PIEZO2: variants seen among roughly 807,000 people sequenced by gnomAD.
PIEZO2 encodes the protein piezo-type mechanosensitive ion channel component 2.
Under a neutral mutation model 337.3 loss-of-function variants are expected in PIEZO2, and 172 were observed. The ratio of observed to expected loss-of-function variants is 0.51; its 90% confidence interval spans 0.45 to 0.58. The LOEUF is 0.58. Ranked by LOEUF, PIEZO2 falls within the 20% of genes least tolerant of loss-of-function variation. PIEZO2 has a pLI of 0.00. For missense variants in PIEZO2, 3,028 were observed against 3,391.3 expected, an observed-to-expected ratio of 0.89 and a Z score of 2.66; for synonymous variants, 1,251 against 1,228.5, an observed-to-expected ratio of 1.02 and a Z score of -0.38.
rs1488747511 is a variant in PIEZO2 at position 10,815,475 on chromosome 18, T to C, written c.918-8201A>G. Among the ~76,000 whole-genome samples the C allele has an allele frequency of 1.3e-5, 2 of 152,242 alleles. No homozygotes were observed. The highest frequency in any genetic ancestry group is 3.8e-4 in the East Asian group (2 of 5,202). ...ACCAGAAATGATAGGCATACGACTT[T>C]TGAACTGCTTTTCATGACACTTCAA... On this transcript the variant is annotated intron_variant, in intron 7 of 55. Transcript: ENST00000674853. The surrounding 1 kb of genome is among the most constrained non-coding windows in gnomAD (Gnocchi z 4.1).
chr18:11,074,475 C>A (rs2038460245), intron 1 of PIEZO2, among the ~76,000 whole-genome samples: 2 of 152,166 alleles, frequency 1.3e-5, no homozygotes, highest in South Asian at 4.1e-4. Flanking sequence ...CAGTAATTCC[C>A]CAAACAAAAG....
Position 10,783,078 on chromosome 18 carries a change from G to A in PIEZO2, c.2492+1706C>T, listed in dbSNP as rs1184973967. Among the ~76,000 whole-genome samples, 1 of 152,030 alleles carries A rather than the reference G, an allele frequency of 6.6e-6. No homozygotes were observed. The highest frequency in any genetic ancestry group is 1.9e-4 in the East Asian group (1 of 5,192). On this transcript the variant is annotated intron_variant, in intron 17 of 55. Transcript: ENST00000674853. This position sits in a 1 kb window ranked among gnomAD's most constrained non-coding sequence, Gnocchi z 4.3. ...GGCAAGAAAAAGGTTCCTGCATGCT[G>A]GAGGCACTTTTAGTGAGAAAAAAAA... is the stretch of plus-strand genomic sequence containing the variant.
chr18:10,691,782 C>CATATATATATATATATATATATATAT (rs33977962), intron 47 of PIEZO2, among the ~76,000 whole-genome samples: 149 of 96,264 alleles, frequency 1.5e-3, no homozygotes, highest in South Asian at 4.1e-3. Flanking sequence ...CACACACACA[C>CATATATATATATATATATATATATAT]ATATATATAT....
At chr18:10,987,498 G>A (rs1392417180) in intron 2 of PIEZO2, among the ~76,000 whole-genome samples, 1 of 152,036 alleles carries the variant, frequency 6.6e-6, no homozygotes, top group Non-Finnish European at 1.5e-5. Context: ...GGGAAAATTG[G>A]ATTACCATGT....
rs2038990350 is a variant in PIEZO2 at position 10,781,730 on chromosome 18, G to A, written c.2493-1364C>T. ...ATTCTGCTTCATACACAAGTGACAT[G>A]TGCCTACATTACATCTGTGTGCATA... On this transcript the variant is annotated intron_variant, in intron 17 of 55. Transcript: ENST00000674853. This position sits in a 1 kb window ranked among gnomAD's most constrained non-coding sequence, Gnocchi z 4.1. 6.6e-6 allele frequency among the ~76,000 whole-genome samples: 1 copy of A among 152,044 alleles called. No homozygotes were observed. The highest frequency in any genetic ancestry group is 1.9e-4 in the East Asian group (1 of 5,186).
At chr18:11,005,622 C>T (rs1311369604) in intron 2 of PIEZO2, among the ~76,000 whole-genome samples, 2 of 152,180 alleles carry the variant, frequency 1.3e-5, no homozygotes, top group Admixed American at 1.3e-4. Flanking sequence ...TCCTCAAGCT[C>T]CTTCACTCAT....
At chr18:10,921,624 G>A (rs561671299) in intron 3 of PIEZO2, among the ~76,000 whole-genome samples, 1 of 152,194 alleles carries the variant, frequency 6.6e-6, no homozygotes, top group Admixed American at 6.5e-5. Flanking sequence ...ATGAAATCTG[G>A]GCACCTTGAA....
In PIEZO2 at chr18:10,777,942, T is replaced by C. The variant is rs554481043; in HGVS notation, c.2534+2383A>G. Among the ~76,000 whole-genome samples, 6 of 152,352 alleles carry C rather than the reference T, an allele frequency of 3.9e-5. No individual in the cohort carries two copies. The East Asian group carries it at 1.2e-3, about 29-fold the overall frequency. On this transcript the variant is annotated intron_variant, in intron 18 of 55. Transcript: ENST00000674853. Reference sequence around the variant, plus strand: ...TAATTATGTGTGTTGGTAAAATGTATACTGTTTACTAGGTCAGTTGCAACT... The same window carrying C: ...TAATTATGTGTGTTGGTAAAATGTACACTGTTTACTAGGTCAGTTGCAACT...
At chr18:10,711,744 A>T (rs2035827396) in intron 39 of PIEZO2, among the ~76,000 whole-genome samples, 1 of 152,216 alleles carries the variant, frequency 6.6e-6, no homozygotes, top group African/African-American at 2.4e-5. Context: ...GCAATATTCA[A>T]ACTCAATACT....
chr18:10,836,385 C>T (rs2041014981), intron 7 of PIEZO2, among the ~76,000 whole-genome samples: 1 of 152,156 alleles, frequency 6.6e-6, no homozygotes, highest in Non-Finnish European at 1.5e-5. Context: ...TTGCTGACCT[C>T]TCCCTCTCCA....
intron 14 of PIEZO2, among the ~76,000 whole-genome samples, chr18:10,790,999 C>T (rs1339274842): frequency 2.0e-5 from 3 of 152,214 alleles, no homozygotes; most frequent in East Asian, 1.9e-4. Context: ...CCACGGCGCC[C>T]GGCCCAACTG....
In PIEZO2 at chr18:10,705,560, C is replaced by G; in HGVS notation, c.5775G>C (p.Glu1925Asp). ...AGGTGGAGAACTGTGTCAGCTCTTC[C>G]TCTGGGGTGAGGCTGGCCTCCTCGG... The part of the protein sequence containing the change: ...MGAEEASLTP[E>D]EELTQFSTLD... The change falls in exon 41 of 56, where the codon GAG (glutamate) becomes GAC (aspartate). Residue 1925 changes from glutamate (E) to aspartate (D), a missense_variant. This residue lies in a region of PIEZO2 where 1,925 missense variants were observed against 2,051.9 expected (regional missense o/e 0.94). Transcript: ENST00000674853. 1 of 1,537,242 alleles carries G rather than the reference C, an allele frequency of 6.5e-7. No individual in the cohort carries two copies. The highest frequency in any genetic ancestry group is 8.7e-7 in the Non-Finnish European group (1 of 1,146,890).
intron 7 of PIEZO2, among the ~76,000 whole-genome samples, chr18:10,842,001 C>CA (rs2041209979): frequency 6.6e-6 from 1 of 152,002 alleles, no homozygotes; most frequent in African/African-American, 2.4e-5. Flanking sequence ...ACTAAAAATA[C>CA]AAAAATTAGC....
At chr18:11,090,806 G>C (rs150501984) in intron 1 of PIEZO2, among the ~76,000 whole-genome samples, 2,218 of 148,548 alleles carry the variant, frequency 0.015, 49 homozygotes, top group African/African-American at 0.051. Context: ...TCAGCTACAC[G>C]GGAGGCTGAG....
At chr18:10,904,865 A>C (rs946126473) in intron 4 of PIEZO2, among the ~76,000 whole-genome samples, 1 of 152,206 alleles carries the variant, frequency 6.6e-6, no homozygotes, top group Non-Finnish European at 1.5e-5. Flanking sequence ...AATTCAATAA[A>C]TCCTAAAGCA....
chr18:10,943,433 C>T lies in PIEZO2; in HGVS notation c.287-32205G>A, dbSNP rs915910493. Among the ~76,000 whole-genome samples, 10 of 152,284 alleles carry T rather than the reference C, an allele frequency of 6.6e-5. No homozygotes were observed. Among genetic ancestry groups the T allele is most frequent in the Admixed American group, 2.6e-4 (4 of 15,292 alleles). Reference sequence around the variant, plus strand: ...ATGTGAGACATCGAGTCACAGGAGACCATTTCGGAGCTTTAAGATTTGACT... The same window carrying T: ...ATGTGAGACATCGAGTCACAGGAGATCATTTCGGAGCTTTAAGATTTGACT... On this transcript the variant is annotated intron_variant, in intron 3 of 55. Coordinates refer to ENST00000674853, the MANE Select transcript of PIEZO2 (RefSeq NM_001378183.1). The surrounding 1 kb of genome is among the most constrained non-coding windows in gnomAD (Gnocchi z 4.5).
chr18:10,761,370 C>G (rs1263607072), intron 23 of PIEZO2, among the ~76,000 whole-genome samples: 1 of 152,180 alleles, frequency 6.6e-6, no homozygotes, highest in East Asian at 1.9e-4. Context: ...CTACTTCTCA[C>G]AACTACACAT....
intron 4 of PIEZO2, among the ~76,000 whole-genome samples, chr18:10,901,641 G>T (rs1281976732): frequency 6.6e-6 from 1 of 152,160 alleles, no homozygotes; most frequent in Non-Finnish European, 1.5e-5. Context: ...ATAAACTAGT[G>T]TGGTGCCAAC....
In PIEZO2 at chr18:10,855,431, G is replaced by C; in HGVS notation, c.839C>G (p.Ala280Gly). 6.5e-7 allele frequency: 1 copy of C among 1,537,158 alleles called. No homozygotes were observed. The highest frequency in any genetic ancestry group is 8.7e-7 in the Non-Finnish European group (1 of 1,146,868). Residue 280 changes from alanine (A) to glycine (G), a missense_variant, in exon 7 of 56, where the codon GCT (alanine) becomes GGT (glycine). Physicochemically the swap from Ala to Gly is moderately conservative, Grantham distance 60. Transcript: ENST00000674853. The surrounding 1 kb of genome is among the most constrained non-coding windows in gnomAD (Gnocchi z 4.9). ...CLCVLLAIFTAGHLIGLYLYQ... is the reference protein window; with the variant it reads ...CLCVLLAIFTGGHLIGLYLYQ... ...TAAATAAAGTCCAATCAAATGTCCA[G>C]CAGTGAAAATAGCCAGCAGAACACA...
Sources: allele counts gnomAD v4.1 joint callset (sites outside exome capture counted in the v4.1 genomes callset), GRCh38; gene constraint gnomAD v4.1.1; regional missense constraint gnomAD v4.1.1; non-coding constraint Gnocchi (gnomAD v3.1); transcripts MANE v1.5; gene names NCBI Gene and HGNC (gene_info 2026-07-23, HGNC 2026-07-21).